Variants in RUVBL1 observed in about 807,000 individuals in gnomAD.
The protein encoded by RUVBL1 is ruvB-like 1.
Under a neutral mutation model 52.4 loss-of-function variants are expected in RUVBL1, and 4 were observed. The ratio of observed to expected loss-of-function variants is 0.08; its 90% confidence interval spans 0.04 to 0.17. The LOEUF is 0.17. Among genes scored for constraint, RUVBL1 ranks in the 10% least tolerant of loss-of-function variants. The probability of loss-of-function intolerance (pLI) is 1.00; values close to 1 mark genes in which losing one functional copy is unlikely to be tolerated. For synonymous variants in RUVBL1, 217 were observed against 214.4 expected (o/e 1.01, Z -0.10); for missense variants, 298 against 572.8 (o/e 0.52, Z 4.90).
intron 9 of RUVBL1, among the ~76,000 whole-genome samples, chr3:128,066,136 C>T (rs1941970620): frequency 3.3e-5 from 5 of 152,054 alleles, no homozygotes; most frequent in Admixed American, 2.6e-4. Context: ...CCAGGGGTTT[C>T]AGAGGGAGAA....
At chr3:128,078,839 C>A (rs1035963861), downstream of RUVBL1, 1 of 152,186 alleles carries the variant, frequency 6.6e-6, no homozygotes, top group Non-Finnish European at 1.5e-5. Flanking sequence ...TAATCACAGG[C>A]CTTGCTGGAA....
At position 128,121,293 on chromosome 3, in the gene RUVBL1, G is replaced by C. The variant is rs368024635; in HGVS notation, c.142-1879C>G. Among the ~76,000 whole-genome samples the C allele has an allele frequency of 7.3e-5, 11 of 151,558 alleles. No individual in the cohort carries two copies. In the South Asian group the frequency reaches 1.3e-3, roughly 17 times the overall value. ...GTATTTTTAGTAGAGACAGGGTTTC[G>C]TCATGTTGGCCAGGCTGGTCTCAAA... On this transcript the variant is annotated intron_variant, in intron 1 of 10. Transcript: ENST00000322623.
chr3:128,146,325 T>C (rs1204576496), intron 1 of RUVBL1, among the ~76,000 whole-genome samples: 1 of 152,172 alleles, frequency 6.6e-6, no homozygotes, highest in Non-Finnish European at 1.5e-5. Context: ...TCTGTGTGTG[T>C]GTGTGCATGT....
chr3:128,097,692 A>T (rs545864266), intron 7 of RUVBL1, among the ~76,000 whole-genome samples, 194 bp from the exon 8 acceptor site: 8 of 152,282 alleles, frequency 5.3e-5, no homozygotes, highest in Admixed American at 5.2e-4. Context: ...AATCACACCT[A>T]AAAGGTCACA....
At chr3:128,119,270 G>T in intron 2 of RUVBL1, 58 bp downstream of exon 2, 1 of 1,319,334 alleles carries the variant, frequency 7.6e-7, no homozygotes. Flanking sequence ...ATTCAATTTG[G>T]CTTAGACACT....
At chr3:128,123,562 C>A in intron 1 of RUVBL1, 22 bp downstream of exon 1, 5 of 1,577,230 alleles carry the variant, frequency 3.2e-6, no homozygotes, top group Non-Finnish European at 4.3e-6. Flanking sequence ...CAGCCCCCAA[C>A]TCCCTGGTCC....
rs1943088815 is a variant in RUVBL1, at chr3:128,100,582, A to G, written c.753+13T>C. ...GGCTAATGTGCCAGATCACCCAGGCATCGAGGCAGTACCTGGGGCCGCGCA... is the reference window on the plus strand; with the variant it reads ...GGCTAATGTGCCAGATCACCCAGGCGTCGAGGCAGTACCTGGGGCCGCGCA... On this transcript the variant is annotated intron_variant, in intron 6 of 10. Transcript: ENST00000322623. 6.3e-7 allele frequency: 1 copy of G among 1,586,760 alleles called. No individual in the cohort carries two copies.
chr3:128,139,663 C>T lies in RUVBL1; in HGVS notation c.-40+13540G>A, dbSNP rs139549151. Among the ~76,000 whole-genome samples the T allele has an allele frequency of 3.4e-3, 514 of 152,204 alleles. 1 individual carries two copies. The highest frequency in any genetic ancestry group is 0.011 in the African/African-American group (476 of 41,530). The stretch of plus-strand genomic sequence containing the variant: ...CACAATTTAGAAGCATCCTAAGTGT[C>T]CATTAACAGGTGAATGGATAAAGAA... On this transcript the variant is annotated intron_variant, in intron 1 of 9. Transcript: ENST00000464873.
chr3:128,067,124 GCTGGTCAGCCTGCTGGGCAC>G lies in RUVBL1; in HGVS notation c.940-1924_940-1905del. The G allele has an allele frequency of 6.2e-7, 1 of 1,614,208 alleles. No homozygotes were observed. The highest frequency in any genetic ancestry group is 8.5e-7 in the Non-Finnish European group (1 of 1,180,052). On this transcript the variant is annotated intron_variant, in intron 9 of 9. Coordinates refer to the RUVBL1 transcript ENST00000464873. This position sits in a 1 kb window ranked among gnomAD's most constrained non-coding sequence, Gnocchi z 4.1. The stretch of plus-strand genomic sequence containing the variant: ...TCTCAGCTCGCTTCAGTGGCAACTT[GCTGGTCAGCCTGCTGGGCAC>G]CTGGTCGGTAAGTAGGCTCTTTGAA...
At chr3:128,088,827 T>A (rs747586171) in intron 8 of RUVBL1, among the ~76,000 whole-genome samples, 5 of 152,222 alleles carry the variant, frequency 3.3e-5, no homozygotes, top group Non-Finnish European at 5.9e-5. Flanking sequence ...ATATTTTACT[T>A]AACCCAAATT....
At chr3:128,101,179 C>T (rs1015542260) in intron 5 of RUVBL1, among the ~76,000 whole-genome samples, 1 of 152,158 alleles carries the variant, frequency 6.6e-6, no homozygotes, top group African/African-American at 2.4e-5. Context: ...ACGAATGCAG[C>T]GTTCCTTCCC....
intron 8 of RUVBL1, among the ~76,000 whole-genome samples, chr3:128,096,822 G>A (rs1190145217): frequency 4.0e-5 from 6 of 150,690 alleles, no homozygotes. Flanking sequence ...GTGAGACTCT[G>A]TCCCCAAAAA....
intron 8 of RUVBL1, among the ~76,000 whole-genome samples, chr3:128,096,593 G>A (rs1324927553): frequency 6.6e-6 from 1 of 152,200 alleles, no homozygotes; most frequent in East Asian, 1.9e-4. Flanking sequence ...TTGGGAGGCT[G>A]AGGCGGGCAG....
intron 1 of RUVBL1, among the ~76,000 whole-genome samples, chr3:128,133,385 C>G (rs1015487718): frequency 6.6e-6 from 1 of 152,064 alleles, no homozygotes; most frequent in African/African-American, 2.4e-5. Flanking sequence ...AGCTTTCAGG[C>G]CTTAAGTGAA....
At chr3:128,101,791 C>G in intron 4 of RUVBL1, 143 bp from the exon 5 acceptor site, 1 of 755,672 alleles carries the variant, frequency 1.3e-6, no homozygotes, top group Non-Finnish European at 2.3e-6. Context: ...AATACTGGGA[C>G]CTGCAGGAGT....
intron 3 of RUVBL1, among the ~76,000 whole-genome samples, chr3:128,109,381 C>T (rs1309601474): frequency 6.6e-6 from 1 of 151,926 alleles, no homozygotes; most frequent in African/African-American, 2.4e-5. Context: ...CCCATCTCTA[C>T]AAAAACAATT....
Position 128,082,878 on chromosome 3 carries a change from T to C in RUVBL1, c.1120-304A>G, listed in dbSNP as rs1942521776. The C allele has an allele frequency of 1.1e-5, 3 of 267,660 alleles. No homozygotes were observed. The highest frequency in any genetic ancestry group is 1.2e-3 in the Middle Eastern group (1 of 814). The allele number at this position is 267,660 out of a possible 1,614,324, so 16.6% of individuals were successfully genotyped here. Reference sequence around the variant, plus strand: ...CCCAAGTGGCTCACTCTTGCCTCCATGTCCTCCCGTCCCCTGTCCCCAGGC... The same window carrying C: ...CCCAAGTGGCTCACTCTTGCCTCCACGTCCTCCCGTCCCCTGTCCCCAGGC... On this transcript the variant is annotated intron_variant, in intron 9 of 10. Transcript: ENST00000322623. The surrounding 1 kb of genome is among the most constrained non-coding windows in gnomAD (Gnocchi z 4.7).
intron 9 of RUVBL1, among the ~76,000 whole-genome samples, chr3:128,072,718 T>C (rs1017913747): frequency 6.6e-6 from 1 of 152,150 alleles, no homozygotes; most frequent in Non-Finnish European, 1.5e-5. Flanking sequence ...ATAAATATGT[T>C]AGAAAACCTG....
At chr3:128,065,293 G>A (rs1941932328) in intron 9 of RUVBL1, 12 of 601,196 alleles carry the variant, frequency 2.0e-5, no homozygotes, top group South Asian at 1.6e-4. Context: ...TGGGCCTATC[G>A]ACAGGTAAGA....
Sources: gnomAD v4.1 joint callset for allele counts (sites outside exome capture counted in the v4.1 genomes callset) on GRCh38, gnomAD v4.1.1 for gene constraint, Gnocchi (gnomAD v3.1) non-coding constraint, MANE v1.5 for transcripts, NCBI Gene and HGNC (gene_info 2026-07-23, HGNC 2026-07-21) for gene names.